The following RERG variants were observed in gnomAD, a reference collection of about 807,000 sequenced individuals.
RERG encodes the protein RAS like estrogen regulated growth inhibitor, also known as ras-related and estrogen-regulated growth inhibitor.
In RERG, 25 loss-of-function variants were observed where a neutral mutation model predicts 23.2. That is an observed-to-expected ratio of 1.08 (90% confidence interval 0.79 to 1.50). RERG has a LOEUF of 1.50. Among genes scored for constraint, RERG ranks in the 40% most tolerant of loss-of-function variants. RERG has a pLI of 0.00. For synonymous variants in RERG, 81 were observed against 89.1 expected, an observed-to-expected ratio of 0.91 and a Z score of 0.51; for missense variants, 253 against 250.1, an observed-to-expected ratio of 1.01 and a Z score of -0.08.
chr12:15,169,888 GAA>G (rs1486906634), intron 2 of RERG, among the ~76,000 whole-genome samples: 1 of 150,378 alleles, frequency 6.6e-6, no homozygotes, highest in Non-Finnish European at 1.5e-5. Flanking sequence ...CACAAGCAAT[GAA>G]ACAAGAAGGA....
chr12:15,172,839 T>C (rs768688728), intron 2 of RERG, among the ~76,000 whole-genome samples: 2 of 152,052 alleles, frequency 1.3e-5, no homozygotes, highest in Non-Finnish European at 2.9e-5. Flanking sequence ...CATCTTTTCA[T>C]TATGAGTATG....
At chr12:15,174,397 C>T (rs1297112205) in intron 2 of RERG, among the ~76,000 whole-genome samples, 2 of 151,666 alleles carry the variant, frequency 1.3e-5, no homozygotes, top group African/African-American at 2.4e-5. Flanking sequence ...TCTCTCTCTG[C>T]CTTTGTCTGT....
At chr12:15,196,005 C>T (rs1216604321) in intron 2 of RERG, among the ~76,000 whole-genome samples, 1 of 152,090 alleles carries the variant, frequency 6.6e-6, no homozygotes, top group Non-Finnish European at 1.5e-5. Flanking sequence ...TGCATATGTG[C>T]CCCATCCAAA....
intron 2 of RERG, among the ~76,000 whole-genome samples, chr12:15,162,646 G>GAAGAGCTC (rs2136114867): frequency 6.6e-6 from 1 of 152,304 alleles, no homozygotes; most frequent in Non-Finnish European, 1.5e-5. Flanking sequence ...CTACATACAT[G>GAAGAGCTC]AAGAGCTCTT....
intron 2 of RERG, among the ~76,000 whole-genome samples, chr12:15,187,596 T>G (rs1865010842): frequency 6.6e-6 from 1 of 151,916 alleles, no homozygotes; most frequent in African/African-American, 2.4e-5. Flanking sequence ...TTTGCTGTTG[T>G]CACCCAGGCT....
intron 2 of RERG, among the ~76,000 whole-genome samples, chr12:15,156,504 A>C (rs1222644526): frequency 6.6e-6 from 1 of 152,208 alleles, no homozygotes; most frequent in East Asian, 1.9e-4. Context: ...GTGTCACTTT[A>C]ATCTCTATCT....
intron 2 of RERG, among the ~76,000 whole-genome samples, chr12:15,185,455 C>G (rs1046437921): frequency 2.6e-5 from 4 of 152,026 alleles, no homozygotes; most frequent in African/African-American, 9.7e-5. Context: ...CTTAGAATCC[C>G]TCACTCCCCT....
chr12:15,133,146 G>GATATATAT (rs376565973), intron 2 of RERG, among the ~76,000 whole-genome samples: 2,484 of 125,034 alleles, frequency 0.02, 46 homozygotes, highest in African/African-American at 0.041. Context: ...ATCCTGTGGA[G>GATATATAT]ATATATATAT....
At chr12:15,137,351 T>C (rs966524452) in intron 2 of RERG, among the ~76,000 whole-genome samples, 1 of 151,818 alleles carries the variant, frequency 6.6e-6, no homozygotes, top group African/African-American at 2.4e-5. Context: ...AATTGATGTA[T>C]TTAGATCATT....
intron 2 of RERG, among the ~76,000 whole-genome samples, chr12:15,158,923 A>C (rs960247790): frequency 6.6e-6 from 1 of 152,172 alleles, no homozygotes; most frequent in African/African-American, 2.4e-5. Context: ...TCTATCTGAC[A>C]ATTAATGAGC....
intron 2 of RERG, among the ~76,000 whole-genome samples, chr12:15,121,670 C>T (rs1041303151): frequency 1.3e-5 from 2 of 152,294 alleles, no homozygotes; most frequent in Non-Finnish European, 2.9e-5. Context: ...GGTTCTGGAA[C>T]GATGCTACGC....
intron 2 of RERG, among the ~76,000 whole-genome samples, chr12:15,195,484 T>A (rs927481806): frequency 1.3e-5 from 2 of 152,116 alleles, no homozygotes; most frequent in East Asian, 3.9e-4. Context: ...CAAAAGATTA[T>A]GTATTCCAGT....
chr12:15,119,028 A>G (rs1163340181), intron 3 of RERG, among the ~76,000 whole-genome samples: 1 of 147,792 alleles, frequency 6.8e-6, no homozygotes, highest in African/African-American at 2.5e-5. Context: ...GAACCCCTCT[A>G]TGCTGGAACA....
chr12:15,109,655 C>T (rs191660717), intron 4 of RERG, 138 bp from the exon 5 acceptor site: 1 of 630,876 alleles, frequency 1.6e-6, no homozygotes, highest in African/African-American at 1.8e-5. Flanking sequence ...TCTAATTGTA[C>T]AAACTTTCTA....
At chr12:15,126,155 A>ATATATATATATATT (rs1352703838) in intron 2 of RERG, among the ~76,000 whole-genome samples, 3 of 143,912 alleles carry the variant, frequency 2.1e-5, no homozygotes, top group Non-Finnish European at 3.0e-5. Flanking sequence ...ATATATATGT[A>ATATATATATATATT]TTTACACACA....
chr12:15,117,673 GCGCACA>G (rs1863750220), intron 3 of RERG, among the ~76,000 whole-genome samples: 1 of 71,498 alleles, frequency 1.4e-5, no homozygotes, highest in African/African-American at 5.1e-5. Flanking sequence ...CATCACACAC[GCGCACA>G]CACACACACA....
At chr12:15,214,650 C>A (rs2136149920) in intron 2 of RERG, among the ~76,000 whole-genome samples, 1 of 152,264 alleles carries the variant, frequency 6.6e-6, no homozygotes, top group Middle Eastern at 3.4e-3. Context: ...GAATCAGAAT[C>A]AACATAAATT....
intron 2 of RERG, among the ~76,000 whole-genome samples, chr12:15,211,294 C>T (rs563702720): frequency 6.7e-6 from 1 of 148,928 alleles, no homozygotes; most frequent in African/African-American, 2.5e-5. Context: ...TACACACACA[C>T]ACACACACAC....
chr12:15,166,863 T>A (rs911395039), intron 2 of RERG, among the ~76,000 whole-genome samples: 6 of 152,196 alleles, frequency 3.9e-5, no homozygotes, highest in South Asian at 2.1e-4. Context: ...GTTTTTTTTT[T>A]ATTATACTTT....
Sources: gnomAD v4.1 joint callset for allele counts (sites outside exome capture counted in the v4.1 genomes callset) on GRCh38, gnomAD v4.1.1 for gene constraint, MANE v1.5 for transcripts, NCBI Gene and HGNC (gene_info 2026-07-23, HGNC 2026-07-21) for gene names.